DMD: variants seen among roughly 807,000 people sequenced by gnomAD.
The protein encoded by DMD is dystrophin, also known as mutant dystrophin.
A neutral mutation model predicts 330.1 loss-of-function variants in DMD; 63 were observed. That is an observed-to-expected ratio of 0.19 (90% CI 0.16 to 0.24). DMD has a LOEUF of 0.24. Ranked by LOEUF, DMD falls within the 10% of genes least tolerant of loss-of-function variation. The pLI is 1.00. For missense variants in DMD, 3,344 were observed against 2,684.1 expected, an observed-to-expected ratio of 1.25 and a Z score of -5.43; for synonymous variants, 1,223 against 959.8, an observed-to-expected ratio of 1.27 and a Z score of -5.07.
chrX:32,082,826 C>T (rs891658112), intron 44 of DMD, among the ~76,000 whole-genome samples: 1 of 111,749 alleles, frequency 8.9e-6, no homozygotes, highest in Non-Finnish European at 1.9e-5. Context: ...ACCATACCTC[C>T]CCTACATGTG....
chrX:31,376,295 G>A (rs2059881322), intron 60 of DMD, among the ~76,000 whole-genome samples: 1 of 112,341 alleles, frequency 8.9e-6, no homozygotes, highest in African/African-American at 3.2e-5. Flanking sequence ...CCAGGTTGTT[G>A]AAAATAAGGG....
At chrX:31,586,182 A>T (rs988129098) in intron 55 of DMD, among the ~76,000 whole-genome samples, 1 of 112,076 alleles carries the variant, frequency 8.9e-6, no homozygotes, top group African/African-American at 3.2e-5. Context: ...GAAAACAACT[A>T]TGTCGGGGGA....
At chrX:32,292,299 A>ATTTTTTTTTTTTTTTTTTT (rs1355530949) in intron 42 of DMD, among the ~76,000 whole-genome samples, 94 of 30,741 alleles carry the variant, frequency 3.1e-3, no homozygotes, top group Non-Finnish European at 3.8e-3. Context: ...CAAAGGGAAT[A>ATTTTTTTTTTTTTTTTTTT]TTCTTTTTTT....
rs147695874 is a variant in DMD at position 32,865,845 on chromosome X, T to C, written c.94-16025A>G. Among the ~76,000 whole-genome samples, 1,058 of 112,550 alleles carry C rather than the reference T, an allele frequency of 9.4e-3. 14 individuals are homozygous for C. Among genetic ancestry groups the C allele is most frequent in the African/African-American group, 0.032 (989 of 31,016 alleles). On this transcript the variant is annotated intron_variant, in intron 2 of 78. Coordinates refer to ENST00000357033, the MANE Select transcript of DMD (RefSeq NM_004006.3). Reference sequence around the variant, plus strand: ...GTCCAGGAGCAACTGCTGTAAATGGTAAGTTAACTACAAAATTGGGCCTAG... The same window carrying C: ...GTCCAGGAGCAACTGCTGTAAATGGCAAGTTAACTACAAAATTGGGCCTAG...
chrX:32,602,240 A>AGGACAGT (rs1467896067), intron 12 of DMD, among the ~76,000 whole-genome samples: 1 of 112,077 alleles, frequency 8.9e-6, no homozygotes, highest in African/African-American at 3.2e-5. Context: ...TCATGGAGTG[A>AGGACAGT]GGACAGTCCC....
At chrX:31,785,054 CG>C (rs2091224327) in intron 50 of DMD, among the ~76,000 whole-genome samples, 1 of 111,516 alleles carries the variant, frequency 9.0e-6, no homozygotes, top group Admixed American at 9.6e-5. Context: ...GATTGATAAA[CG>C]GATTAAAAAA....
At chrX:33,049,495 C>A (rs1299125169) in intron 1 of DMD, among the ~76,000 whole-genome samples, 2 of 110,828 alleles carry the variant, frequency 1.8e-5, no homozygotes, top group African/African-American at 6.6e-5. Flanking sequence ...AAATTCAAGT[C>A]TCTCGAAAGG....
chrX:32,698,807 C>T (rs905774377), intron 8 of DMD, among the ~76,000 whole-genome samples: 2 of 110,797 alleles, frequency 1.8e-5, no homozygotes, highest in African/African-American at 3.3e-5. Context: ...TTAATATGTA[C>T]GTAAGTTTGC....
intron 51 of DMD, among the ~76,000 whole-genome samples, chrX:31,772,689 A>T (rs921923638): frequency 7.1e-5 from 8 of 112,036 alleles, no homozygotes; most frequent in Admixed American, 2.8e-4. Context: ...AATCAAATGG[A>T]CTTGGATTTG....
At chrX:32,931,031 T>C (rs1036678560) in intron 2 of DMD, among the ~76,000 whole-genome samples, 3 of 108,186 alleles carry the variant, frequency 2.8e-5, no homozygotes, top group African/African-American at 9.9e-5. Context: ...ATATTAACAA[T>C]TAATACTATA....
chrX:31,559,748 G>A (rs5927770), intron 55 of DMD, among the ~76,000 whole-genome samples: 126 of 106,702 alleles, frequency 1.2e-3, no homozygotes, highest in Non-Finnish European at 1.6e-3. Context: ...TCAGCGCCCC[G>A]AACCCTCACA....
chrX:32,432,482 C>T (rs1198312085), intron 29 of DMD, among the ~76,000 whole-genome samples: 1 of 111,839 alleles, frequency 8.9e-6, no homozygotes, highest in African/African-American at 3.3e-5. Flanking sequence ...TAGACATTTT[C>T]CAGCATCCTA....
intron 50 of DMD, among the ~76,000 whole-genome samples, chrX:31,791,102 T>G (rs1225567369): frequency 9.0e-6 from 1 of 111,081 alleles, no homozygotes; most frequent in Non-Finnish European, 1.9e-5. Flanking sequence ...GCACACAGGT[T>G]GAGAACTTCT....
At position 31,641,779 on chromosome X, in the gene DMD, T is replaced by C. The variant is rs1010797048; in HGVS notation, c.8028-13917A>G. On this transcript the variant is annotated intron_variant, in intron 54 of 78. Transcript: ENST00000357033. ...TTTGGGAATTAGAATGGATTTTTAA[T>C]TGGTTTCTGATCCAAGTTTTAATCA... Among the ~76,000 whole-genome samples the C allele has an allele frequency of 3.6e-5, 4 of 112,077 alleles. No homozygotes were observed. In the East Asian group the frequency reaches 1.1e-3, roughly 31 times the overall value.
intron 15 of DMD, among the ~76,000 whole-genome samples, chrX:32,568,855 C>G (rs1418614085): frequency 3.6e-5 from 4 of 112,006 alleles, no homozygotes; most frequent in Non-Finnish European, 7.5e-5. Context: ...CTTGTCCTGT[C>G]TATCCATTGA....
Position 32,081,289 on chromosome X carries a change from C to T in DMD, c.6439-112775G>A, listed in dbSNP as rs146775136. Among the ~76,000 whole-genome samples the T allele has an allele frequency of 7.8e-3, 880 of 112,125 alleles. 6 individuals are homozygous for T. Among genetic ancestry groups the T allele is most frequent in the African/African-American group, 0.027 (832 of 30,831 alleles). On this transcript the variant is annotated intron_variant, in intron 44 of 78. Coordinates refer to ENST00000357033, the MANE Select transcript of DMD (RefSeq NM_004006.3). ...AGTGCACACTGCTTGTGTTGCATGT[C>T]ATCTGGTCTCTTTAATTTTGGTATC...
intron 2 of DMD, among the ~76,000 whole-genome samples, chrX:32,963,421 G>C (rs941319418): frequency 9.0e-6 from 1 of 111,724 alleles, no homozygotes; most frequent in African/African-American, 3.2e-5. Flanking sequence ...TCTTGATGAT[G>C]CCAATGCTAG....
chrX:31,555,251 G>C (rs376941052), intron 55 of DMD, among the ~76,000 whole-genome samples: 3 of 111,608 alleles, frequency 2.7e-5, no homozygotes, highest in African/African-American at 9.8e-5. Flanking sequence ...CTAACTTGAT[G>C]TCATTGAATG....
intron 42 of DMD, among the ~76,000 whole-genome samples, chrX:32,304,851 T>C (rs982530077): frequency 1.8e-5 from 2 of 111,612 alleles, no homozygotes; most frequent in African/African-American, 3.2e-5. Context: ...AGTCACAATG[T>C]ATTAATAAAA....
Sources: allele counts gnomAD v4.1 joint callset (sites outside exome capture counted in the v4.1 genomes callset), GRCh38; gene constraint gnomAD v4.1.1; transcripts MANE v1.5; gene names NCBI Gene and HGNC (gene_info 2026-07-23, HGNC 2026-07-21).